Variants in EYA1 observed in about 807,000 individuals in gnomAD.
EYA1 encodes the protein EYA transcriptional coactivator and phosphatase 1.
EYA1 carries 16 observed loss-of-function variants against 82.0 expected under a neutral mutation model. The observed-to-expected ratio is 0.20, with a 90% CI of 0.13 to 0.30. The LOEUF is 0.30. Among genes scored for constraint, EYA1 ranks in the 10% least tolerant of loss-of-function variants. The pLI, the probability that EYA1 is intolerant of heterozygous loss-of-function variation, is 1.00. For missense variants in EYA1, 633 were observed against 730.7 expected, an observed-to-expected ratio of 0.87 and a Z score of 1.54; for synonymous variants, 261 against 264.4, an observed-to-expected ratio of 0.99 and a Z score of 0.12.
intron 3 of EYA1, among the ~76,000 whole-genome samples, chr8:71,338,189 G>C (rs1824719891): frequency 6.6e-6 from 1 of 152,202 alleles, no homozygotes; most frequent in African/African-American, 2.4e-5. Context: ...ATGTATCCAA[G>C]ATCAGCCATG....
At chr8:71,385,959 G>C (rs886788178) in intron 2 of EYA1, among the ~76,000 whole-genome samples, 30 of 152,126 alleles carry the variant, frequency 2.0e-4, no homozygotes, top group Non-Finnish European at 5.9e-5. Context: ...CCCATTTAAT[G>C]CTTTGAAAAT....
intron 7 of EYA1, among the ~76,000 whole-genome samples, chr8:71,301,864 C>T (rs1820234311): frequency 6.6e-6 from 1 of 151,880 alleles, no homozygotes; most frequent in African/African-American, 2.4e-5. Flanking sequence ...AAAAGGATGA[C>T]TAAGACATAG....
intron 2 of EYA1, among the ~76,000 whole-genome samples, chr8:71,406,186 A>G (rs911945387): frequency 3.9e-5 from 6 of 152,222 alleles, no homozygotes; most frequent in Non-Finnish European, 8.8e-5. Flanking sequence ...AAGATAAAAG[A>G]GAGAGATGTA....
intron 2 of EYA1, among the ~76,000 whole-genome samples, chr8:71,371,461 G>T (rs1012319805): frequency 7.9e-5 from 12 of 152,050 alleles, no homozygotes; most frequent in African/African-American, 2.9e-4. Context: ...TATACCTGGG[G>T]ACCTCCTAAG....
intron 1 of EYA1, among the ~76,000 whole-genome samples, chr8:71,358,029 C>T (rs1271653757): frequency 6.6e-6 from 1 of 150,754 alleles, no homozygotes; most frequent in African/African-American, 2.4e-5. Context: ...TGAGAACTAA[C>T]TTAGTTTTAA....
intron 2 of EYA1, among the ~76,000 whole-genome samples, chr8:71,396,941 C>G (rs1247002638): frequency 6.6e-6 from 1 of 152,170 alleles, no homozygotes; most frequent in Non-Finnish European, 1.5e-5. Flanking sequence ...TTATAGGTCT[C>G]TAAGGACTTG....
intron 2 of EYA1, among the ~76,000 whole-genome samples, chr8:71,482,477 T>G (rs1396429510): frequency 1.3e-5 from 2 of 152,204 alleles, no homozygotes; most frequent in Non-Finnish European, 2.9e-5. Context: ...AAAAGCTGTT[T>G]GGACTCTTTT....
chr8:71,540,827 C>T (rs1480621674), intron 1 of EYA1, among the ~76,000 whole-genome samples: 2 of 152,036 alleles, frequency 1.3e-5, no homozygotes, highest in Non-Finnish European at 2.9e-5. Flanking sequence ...TTCTAACATT[C>T]CTGAGAAGCA....
At chr8:71,431,702 T>C (rs1805628251) in intron 2 of EYA1, among the ~76,000 whole-genome samples, 1 of 152,302 alleles carries the variant, frequency 6.6e-6, no homozygotes, top group Middle Eastern at 3.4e-3. Context: ...AGATAAGACT[T>C]AGGGAAGTAT....
At chr8:71,490,968 T>C (rs996022523) in intron 2 of EYA1, among the ~76,000 whole-genome samples, 3 of 152,104 alleles carry the variant, frequency 2.0e-5, no homozygotes, top group African/African-American at 4.8e-5. Flanking sequence ...GAAGATCATA[T>C]AAAGCAAGTC....
At chr8:71,439,363 A>C (rs1193757589) in intron 2 of EYA1, among the ~76,000 whole-genome samples, 1 of 152,070 alleles carries the variant, frequency 6.6e-6, no homozygotes, top group African/African-American at 2.4e-5. Flanking sequence ...AGTCACTATA[A>C]GTTGGAGGTG....
intron 2 of EYA1, among the ~76,000 whole-genome samples, chr8:71,447,082 TTATATATA>T (rs5892279): frequency 1.4e-5 from 2 of 144,850 alleles, no homozygotes; most frequent in African/African-American, 5.0e-5. Flanking sequence ...TTGATAATCT[TTATATATA>T]TATATATATA....
At chr8:71,399,287 G>A (rs1196057098) in intron 2 of EYA1, among the ~76,000 whole-genome samples, 2 of 151,920 alleles carry the variant, frequency 1.3e-5, no homozygotes, top group African/African-American at 2.4e-5. Flanking sequence ...TGAACCCACT[G>A]TCTGACAAGC....
chr8:71,401,856 G>A (rs1224395309), intron 2 of EYA1, among the ~76,000 whole-genome samples: 1 of 152,130 alleles, frequency 6.6e-6, no homozygotes, highest in African/African-American at 2.4e-5. Context: ...ATGAATTATA[G>A]TTTTTCTCTG....
chr8:71,389,278 T>C (rs1829140730), intron 2 of EYA1, among the ~76,000 whole-genome samples: 1 of 152,180 alleles, frequency 6.6e-6, no homozygotes, highest in South Asian at 2.1e-4. Flanking sequence ...TTAAAGTTTT[T>C]GAACATATTA....
chr8:71,207,320 T>TA (rs1563613802), intron 17 of EYA1, among the ~76,000 whole-genome samples: 2 of 152,232 alleles, frequency 1.3e-5, no homozygotes, highest in Non-Finnish European at 2.9e-5. Context: ...ACTATTTATA[T>TA]ACTAGTTAAC....
rs73298378 is a variant in EYA1, at chr8:71,463,068, A to G, written c.33+72676T>C. On this transcript the variant is annotated intron_variant, in intron 2 of 18. Coordinates refer to the EYA1 transcript ENST00000643681. ...ACCATTTCAACATATAATTAATATC[A>G]AAATTATTAATGAGATATTGTAGAC... is the stretch of plus-strand genomic sequence containing the variant. 3.9e-3 allele frequency among the ~76,000 whole-genome samples: 591 copies of G among 152,376 alleles called. 6 individuals are homozygous for G. The highest frequency in any genetic ancestry group is 0.014 in the African/African-American group (564 of 41,590).
chr8:71,330,726 A>T (rs571200908), intron 4 of EYA1, among the ~76,000 whole-genome samples: 2 of 152,250 alleles, frequency 1.3e-5, no homozygotes, highest in African/African-American at 4.8e-5. Flanking sequence ...GATGCTTGTA[A>T]TTTTTTAATT....
chr8:71,277,508 C>T (rs188297602), intron 9 of EYA1, among the ~76,000 whole-genome samples: 42 of 152,252 alleles, frequency 2.8e-4, no homozygotes, highest in African/African-American at 8.7e-4. Flanking sequence ...TTCCTATTAG[C>T]CTCTGAAGAT....
Sources: gnomAD v4.1 joint callset for allele counts (sites outside exome capture counted in the v4.1 genomes callset) on GRCh38, gnomAD v4.1.1 for gene constraint, MANE v1.5 for transcripts, NCBI Gene and HGNC (gene_info 2026-07-23, HGNC 2026-07-21) for gene names.